The following GTPBP1 variants were observed in gnomAD, a reference collection of about 807,000 sequenced individuals.
The protein encoded by GTPBP1 is GTP binding protein 1.
Under a neutral mutation model 62.0 loss-of-function variants are expected in GTPBP1, and 23 were observed. That is an observed-to-expected ratio of 0.37 (90% confidence interval 0.27 to 0.53). The LOEUF is 0.53. Ranked by LOEUF, GTPBP1 falls within the 20% of genes least tolerant of loss-of-function variation. The pLI is 0.89. For missense variants in GTPBP1, 640 were observed against 917.3 expected, an observed-to-expected ratio of 0.70 and a Z score of 3.90; for synonymous variants, 344 against 364.4, an observed-to-expected ratio of 0.94 and a Z score of 0.64.
downstream of GTPBP1, chr22:38,742,580 G>A (rs374134811): frequency 1.0e-5 from 16 of 1,592,866 alleles, no homozygotes; most frequent in African/African-American, 1.7e-4. Context: ...AGAGAGCCAC[G>A]GAGTGAGGGA....
At chr22:38,721,612 A>T in intron 4 of GTPBP1, 130 bp from the exon 5 acceptor site, 1 of 693,090 alleles carries the variant, frequency 1.4e-6, no homozygotes, top group Non-Finnish European at 2.4e-6. Context: ...GCCCCACATC[A>T]TCGAGTCAGG....
downstream of GTPBP1, chr22:38,739,375 T>C (rs751392512): frequency 1.1e-5 from 17 of 1,613,144 alleles, no homozygotes; most frequent in Middle Eastern, 5.0e-4. This position sits in a 1 kb window ranked among gnomAD's most constrained non-coding sequence, Gnocchi z 6.7. Flanking sequence ...GCCAGCCCGA[T>C]GCGGTCCTCA....
chr22:38,723,652 G>A (rs1196536822), intron 5 of GTPBP1: 3 of 421,224 alleles, frequency 7.1e-6, no homozygotes, highest in Non-Finnish European at 1.3e-5. Flanking sequence ...TGTTCCTTCT[G>A]GTTCCAAATG....
downstream of GTPBP1, chr22:38,739,027 G>A (rs537511864): frequency 1.9e-5 from 30 of 1,568,540 alleles, no homozygotes; most frequent in Non-Finnish European, 2.6e-5. This position sits in a 1 kb window ranked among gnomAD's most constrained non-coding sequence, Gnocchi z 6.7. Flanking sequence ...CTCCCGCACG[G>A]GAGGAGGGCC....
intron 4 of GTPBP1, among the ~76,000 whole-genome samples, chr22:38,720,311 C>G (rs1251310489): frequency 6.6e-6 from 1 of 152,060 alleles, no homozygotes; most frequent in Non-Finnish European, 1.5e-5. Flanking sequence ...CCTCCGCCTC[C>G]TTGGTTCAAG....
downstream of GTPBP1, chr22:38,739,125 C>T (rs2145942062): frequency 4.0e-6 from 4 of 992,404 alleles, no homozygotes; most frequent in East Asian, 7.8e-5. This position sits in a 1 kb window ranked among gnomAD's most constrained non-coding sequence, Gnocchi z 6.7. Flanking sequence ...ATGCTCAGAG[C>T]AGCTTTAAAG....
downstream of GTPBP1, chr22:38,736,419 T>C (rs2092805717): frequency 6.5e-7 from 1 of 1,538,376 alleles, no homozygotes; most frequent in Non-Finnish European, 8.9e-7. Flanking sequence ...ATCAGAGACC[T>C]GTGAGGCCTC....
At chr22:38,711,060 C>T (rs1294481064) in intron 2 of GTPBP1, among the ~76,000 whole-genome samples, 1 of 152,194 alleles carries the variant, frequency 6.6e-6, no homozygotes, top group Non-Finnish European at 1.5e-5. Flanking sequence ...GAGATCATAA[C>T]TAGTTAAACA....
intron 2 of GTPBP1, among the ~76,000 whole-genome samples, chr22:38,712,549 C>T (rs537786277): frequency 7.2e-5 from 11 of 152,234 alleles, no homozygotes; most frequent in Admixed American, 3.3e-4. Context: ...GTGAATGAGC[C>T]GGCAGGATGG....
chr22:38,709,053 C>T lies in GTPBP1; in HGVS notation c.304+97C>T, dbSNP rs976746004. On this transcript the variant is annotated intron_variant, in intron 2 of 11. Transcript: ENST00000216044. ...ATCCCAGCACTTTGGGAGGCCAAGACGGGTGGATCACCTGAGGTCAGGAGT... is the reference window on the plus strand; with the variant it reads ...ATCCCAGCACTTTGGGAGGCCAAGATGGGTGGATCACCTGAGGTCAGGAGT... 1.4e-4 allele frequency: 95 copies of T among 700,770 alleles called. 1 individual carries two copies. Among genetic ancestry groups the T allele is most frequent in the East Asian group, 3.9e-4 (14 of 35,498 alleles). 43.4% of individuals were successfully genotyped at this position (700,770 alleles called of 1,614,324 possible). A position where few individuals can be genotyped will look rare whatever the true frequency, so the allele number is the denominator to read the frequency against.
rs2092768620 is a variant in GTPBP1, at chr22:38,732,815, C to G, written c.*2111C>G. ...AGTTTCAAGTGATTCTCTGCCTCAG[C>G]CTTCTGAGTAGCTGGGACTACAGGT... On this transcript the variant is annotated 3_prime_UTR_variant, in exon 12 of 12. Coordinates refer to ENST00000216044, the MANE Select transcript of GTPBP1 (RefSeq NM_004286.5). 6.6e-6 allele frequency: 1 copy of G among 152,332 alleles called. No individual in the cohort carries two copies. Among genetic ancestry groups the G allele is most frequent in the South Asian group, 2.1e-4 (1 of 4,842 alleles). 9.4% of individuals were successfully genotyped at this position (152,332 alleles called of 1,614,324 possible).
At chr22:38,740,992 G>T (rs1266775366), downstream of GTPBP1, 1 of 1,587,050 alleles carries the variant, frequency 6.3e-7, no homozygotes, top group South Asian at 1.1e-5. The surrounding 1 kb of genome is among the most constrained non-coding windows in gnomAD (Gnocchi z 4.8). Context: ...GAGGCCAGCT[G>T]GTGGCGCCCA....
chr22:38,738,728 C>T (rs1839650493), downstream of GTPBP1: 1 of 1,613,566 alleles, frequency 6.2e-7, no homozygotes, highest in South Asian at 1.1e-5. This position sits in a 1 kb window ranked among gnomAD's most constrained non-coding sequence, Gnocchi z 6.6. Flanking sequence ...CCTGGAAGGC[C>T]CAGCAGTTGC....
chr22:38,729,429 T>C, intron 10 of GTPBP1, 33 bp from the exon 11 acceptor site: 1 of 1,534,014 alleles, frequency 6.5e-7, no homozygotes, highest in Non-Finnish European at 8.8e-7. Context: ...GCCCCGCAGC[T>C]CCAGCCTCAG....
At chr22:38,738,435 G>T, downstream of GTPBP1, 5 of 1,173,730 alleles carry the variant, frequency 4.3e-6, no homozygotes. The surrounding 1 kb of genome is among the most constrained non-coding windows in gnomAD (Gnocchi z 6.6). Flanking sequence ...AGGTAACAGG[G>T]ACTGAAGTGC....
downstream of GTPBP1, chr22:38,740,881 C>G (rs1015459005): frequency 1.2e-5 from 13 of 1,088,880 alleles, no homozygotes; most frequent in African/African-American, 1.9e-4. This position sits in a 1 kb window ranked among gnomAD's most constrained non-coding sequence, Gnocchi z 4.8. Flanking sequence ...TTCAACCCCT[C>G]CCCCTACCAT....
At chr22:38,736,129 T>C, downstream of GTPBP1, 1 of 833,478 alleles carries the variant, frequency 1.2e-6, no homozygotes, top group Non-Finnish European at 2.0e-6. Flanking sequence ...ACCCTGCCCG[T>C]CCTTTTCATC....
downstream of GTPBP1, chr22:38,735,334 A>G (rs1006728920): frequency 9.3e-6 from 4 of 431,638 alleles, no homozygotes; most frequent in Non-Finnish European, 1.8e-5. Context: ...GCCGGTGCAG[A>G]CAGACCTCGC....
chr22:38,739,028 G>C, downstream of GTPBP1: 7 of 1,567,848 alleles, frequency 4.5e-6, no homozygotes, highest in East Asian at 2.4e-5. The surrounding 1 kb of genome is among the most constrained non-coding windows in gnomAD (Gnocchi z 6.7). Flanking sequence ...TCCCGCACGG[G>C]AGGAGGGCCC....
Sources: gnomAD v4.1 joint callset for allele counts (sites outside exome capture counted in the v4.1 genomes callset) on GRCh38, gnomAD v4.1.1 for gene constraint, Gnocchi (gnomAD v3.1) non-coding constraint, MANE v1.5 for transcripts, NCBI Gene and HGNC (gene_info 2026-07-23, HGNC 2026-07-21) for gene names.